The following LRRC37A2 variants were observed in gnomAD, a reference collection of about 807,000 sequenced individuals.
LRRC37A2 encodes leucine rich repeat containing 37 member A2, also known as leucine-rich repeat-containing protein 37A2.
In LRRC37A2, 9 loss-of-function variants were observed where a neutral mutation model predicts 68.8. The observed-to-expected ratio is 0.13, with a 90% confidence interval of 0.08 to 0.23. The LOEUF is 0.23. Among genes scored for constraint, LRRC37A2 ranks in the 10% least tolerant of loss-of-function variants. LRRC37A2 has a pLI of 1.00. For missense variants in LRRC37A2, 168 were observed against 950.4 expected (o/e 0.18, Z 10.82); for synonymous variants, 63 against 367.6 (o/e 0.17, Z 9.48).
chr17:46,422,583 A>AG, the LRRC37A2 span: 1 of 228,596 alleles, frequency 4.4e-6, no homozygotes, highest in African/African-American at 5.6e-5. Flanking sequence ...AAAAGGCAGA[A>AG]GGTAGCTTTT....
the LRRC37A2 span, chr17:46,694,710 TTCTC>T: frequency 6.4e-7 from 1 of 1,556,926 alleles, no homozygotes; most frequent in Admixed American, 1.8e-5. Flanking sequence ...CCAGTATTCT[TTCTC>T]TTTCCTTTCA....
chr17:46,769,732 G>A, the LRRC37A2 span: 1 of 1,599,548 alleles, frequency 6.3e-7, no homozygotes, highest in Non-Finnish European at 8.5e-7. Flanking sequence ...GCTCCGGAGG[G>A]GAAGCGGGGG....
the LRRC37A2 span, among the ~76,000 whole-genome samples, chr17:46,825,714 G>C: frequency 1.3e-5 from 2 of 152,200 alleles, no homozygotes; most frequent in African/African-American, 4.8e-5. Context: ...GACCAAATAC[G>C]TAAATGTTTC....
At chr17:46,999,701 T>C in the LRRC37A2 span, among the ~76,000 whole-genome samples, 1 of 152,010 alleles carries the variant, frequency 6.6e-6, no homozygotes, top group South Asian at 2.1e-4. Context: ...CACTCTTATT[T>C]AGTAAGAGTG....
At chr17:46,437,806 A>G in the LRRC37A2 span, among the ~76,000 whole-genome samples, 2 of 97,458 alleles carry the variant, frequency 2.1e-5, no homozygotes, top group African/African-American at 3.0e-5. Context: ...GGATAAACCT[A>G]TAATTAGTAT....
the LRRC37A2 span, among the ~76,000 whole-genome samples, chr17:46,705,729 C>A: frequency 7.4e-6 from 1 of 135,428 alleles, no homozygotes; most frequent in African/African-American, 2.8e-5. Context: ...ATCAGGGATC[C>A]CCAACCCTCA....
chr17:46,953,133 G>A, the LRRC37A2 span, among the ~76,000 whole-genome samples: 328 of 151,782 alleles, frequency 2.2e-3, no homozygotes, highest in African/African-American at 7.7e-3. Flanking sequence ...TGCCATGTTG[G>A]TGTGCTGCAC....
chr17:46,841,372 C>G, the LRRC37A2 span, among the ~76,000 whole-genome samples: 1 of 152,166 alleles, frequency 6.6e-6, no homozygotes, highest in Non-Finnish European at 1.5e-5. Flanking sequence ...TGTGAGGCTT[C>G]CCGGTGGGAA....
At chr17:46,973,321 CTTTTCTT>C in the LRRC37A2 span, among the ~76,000 whole-genome samples, 3 of 151,804 alleles carry the variant, frequency 2.0e-5, no homozygotes, top group Non-Finnish European at 4.4e-5. Flanking sequence ...TTTTCTTTTT[CTTTTCTT>C]TTTTCTTTTT....
chr17:46,726,448 C>A, the LRRC37A2 span: 1 of 1,032,546 alleles, frequency 9.7e-7, no homozygotes, highest in Non-Finnish European at 1.5e-6. Context: ...TGGTGTTTTC[C>A]TGTGCTTTGT....
chr17:46,842,413 C>T, the LRRC37A2 span, among the ~76,000 whole-genome samples: 4 of 152,182 alleles, frequency 2.6e-5, no homozygotes, highest in Non-Finnish European at 4.4e-5. Context: ...CTCCCTCTGT[C>T]GCCCAGGCTG....
At chr17:46,847,227 G>A in the LRRC37A2 span, among the ~76,000 whole-genome samples, 1 of 152,182 alleles carries the variant, frequency 6.6e-6, no homozygotes, top group African/African-American at 2.4e-5. Flanking sequence ...CCCTGGAGGG[G>A]ATTCTGAAGC....
the LRRC37A2 span, among the ~76,000 whole-genome samples, chr17:46,880,945 A>T: frequency 1.3e-5 from 2 of 152,204 alleles, no homozygotes; most frequent in African/African-American, 4.8e-5. Context: ...GAAGCCAACC[A>T]GGGGCCTTCA....
the LRRC37A2 span, among the ~76,000 whole-genome samples, chr17:46,895,175 C>A: frequency 5.0e-4 from 76 of 152,230 alleles, 1 homozygote; most frequent in Non-Finnish European, 2.1e-4. Context: ...CCAGGCATCG[C>A]CCTGCTCCCA....
chr17:46,909,703 G>A, the LRRC37A2 span: 1 of 152,256 alleles, frequency 6.6e-6, no homozygotes, highest in Non-Finnish European at 1.5e-5. Context: ...TTTAAGTTCA[G>A]GGGTACATGT....
At chr17:47,000,043 TAAAATAAAATA>T in the LRRC37A2 span, among the ~76,000 whole-genome samples, 12 of 25,692 alleles carry the variant, frequency 4.7e-4, no homozygotes, top group African/African-American at 9.1e-4. Context: ...TAAAATAAAA[TAAAATAAAATA>T]AAATAAAATT....
the LRRC37A2 span, among the ~76,000 whole-genome samples, chr17:47,032,845 T>C: frequency 1.3e-5 from 2 of 152,198 alleles, no homozygotes; most frequent in Non-Finnish European, 2.9e-5. Flanking sequence ...GTCTGCCAGA[T>C]TCCAGGTCCC....
the LRRC37A2 span, among the ~76,000 whole-genome samples, chr17:46,974,785 C>G: frequency 1.3e-5 from 2 of 151,818 alleles, no homozygotes; most frequent in Non-Finnish European, 2.9e-5. Context: ...AATCCCAGCT[C>G]TGCCCCTTTC....
intron 6 of LRRC37A2, among the ~76,000 whole-genome samples, chr17:46,533,481 T>C (rs2054034566): frequency 6.9e-6 from 1 of 145,568 alleles, no homozygotes; most frequent in South Asian, 2.1e-4. Flanking sequence ...TATTGCATTA[T>C]GTAAGTATCT....
Sources: allele counts gnomAD v4.1 joint callset (sites outside exome capture counted in the v4.1 genomes callset), GRCh38; gene constraint gnomAD v4.1.1; transcripts MANE v1.5; gene names NCBI Gene and HGNC (gene_info 2026-07-23, HGNC 2026-07-21).